PRKCH: variants seen among roughly 807,000 people sequenced by gnomAD.
PRKCH encodes protein kinase C eta type.
PRKCH carries 28 observed loss-of-function variants against 82.5 expected under a neutral mutation model. The ratio of observed to expected loss-of-function variants is 0.34; its 90% CI spans 0.25 to 0.47. The LOEUF is 0.47. Ranked by LOEUF, PRKCH falls within the 20% of genes least tolerant of loss-of-function variation. The pLI, the probability that PRKCH is intolerant of heterozygous loss-of-function variation, is 1.00. For missense variants in PRKCH, 705 were observed against 881.8 expected (o/e 0.80, Z 2.54); for synonymous variants, 322 against 327.4 (o/e 0.98, Z 0.18).
chr14:61,408,967 G>A (rs1056461403), intron 2 of PRKCH, among the ~76,000 whole-genome samples: 6 of 152,198 alleles, frequency 3.9e-5, no homozygotes, highest in South Asian at 2.1e-4. Context: ...GGAAGGTGTA[G>A]GAGGGATTCA....
intron 1 of PRKCH, among the ~76,000 whole-genome samples, chr14:61,328,077 C>T (rs1193172854): frequency 6.6e-6 from 1 of 151,168 alleles, no homozygotes; most frequent in African/African-American, 2.4e-5. Context: ...GGTGAAACCC[C>T]GTCTCTACTA....
chr14:61,235,532 A>G (rs773478186), intron 1 of PRKCH, among the ~76,000 whole-genome samples: 3 of 152,188 alleles, frequency 2.0e-5, no homozygotes, highest in Non-Finnish European at 4.4e-5. Context: ...AACCTGCCCA[A>G]TTAATAGTGA....
intron 1 of PRKCH, among the ~76,000 whole-genome samples, chr14:61,197,341 G>GT (rs1594847343): frequency 3.9e-5 from 6 of 152,302 alleles, no homozygotes; most frequent in Admixed American, 6.5e-5. Flanking sequence ...GAGAGTTGGG[G>GT]TTATGTTTTA....
At chr14:61,521,183 A>G (rs1195146649) in intron 10 of PRKCH, among the ~76,000 whole-genome samples, 4 of 152,222 alleles carry the variant, frequency 2.6e-5, no homozygotes, top group East Asian at 1.9e-4. Flanking sequence ...CATTTTCTCT[A>G]TACCTTTTTC....
At chr14:61,335,818 G>T (rs747764257) in intron 1 of PRKCH, among the ~76,000 whole-genome samples, 25 of 152,172 alleles carry the variant, frequency 1.6e-4, no homozygotes, top group Admixed American at 2.0e-4. Context: ...CATGAATTAG[G>T]ATGCAGAATC....
chr14:61,473,382 T>C (rs542804858), intron 9 of PRKCH, among the ~76,000 whole-genome samples: 6 of 152,312 alleles, frequency 3.9e-5, no homozygotes, highest in African/African-American at 1.2e-4. Context: ...AGGCTCTCTC[T>C]GGCTGCTATG....
chr14:61,494,323 A>G (rs762912700), intron 10 of PRKCH, among the ~76,000 whole-genome samples: 1 of 152,240 alleles, frequency 6.6e-6, no homozygotes. Flanking sequence ...AACAATTGGT[A>G]TGTTCATCAT....
intron 2 of PRKCH, among the ~76,000 whole-genome samples, chr14:61,395,295 C>CCCT (rs1555383089): frequency 6.8e-6 from 1 of 146,488 alleles, no homozygotes; most frequent in Non-Finnish European, 1.5e-5. Flanking sequence ...ATGGAGCCCC[C>CCCT]CCCCGCATTT....
chr14:61,393,197 GC>G (rs1478121982), intron 2 of PRKCH, among the ~76,000 whole-genome samples: 1 of 152,100 alleles, frequency 6.6e-6, no homozygotes, highest in Non-Finnish European at 1.5e-5. Flanking sequence ...CATAGTATGA[GC>G]CCTCCAACTC....
At chr14:61,516,678 T>C (rs547745026) in intron 10 of PRKCH, among the ~76,000 whole-genome samples, 2 of 152,258 alleles carry the variant, frequency 1.3e-5, no homozygotes, top group Admixed American at 6.5e-5. Context: ...GAAAATGTGA[T>C]GTCTTTTGCA....
intron 1 of PRKCH, among the ~76,000 whole-genome samples, chr14:61,192,389 T>G (rs1320853900): frequency 6.6e-6 from 1 of 152,258 alleles, no homozygotes; most frequent in East Asian, 1.9e-4. Context: ...GTGTTCATTC[T>G]GAAAAGTTAT....
In PRKCH at chr14:61,353,332, A is replaced by T. The variant is rs1170847853; in HGVS notation, c.363+30868A>T. The stretch of plus-strand genomic sequence containing the variant: ...TCAGAAAAAATGATTAAAGATACTT[A>T]TGAGATATAAAGATTTACATAAAGT... On this transcript the variant is annotated intron_variant, in intron 1 of 13. Coordinates refer to ENST00000332981, the MANE Select transcript of PRKCH (RefSeq NM_006255.5). Among the ~76,000 whole-genome samples, 5 of 152,262 alleles carry T rather than the reference A, an allele frequency of 3.3e-5. 1 individual carries two copies.
intron 1 of PRKCH, among the ~76,000 whole-genome samples, chr14:61,237,158 G>A (rs1377667475): frequency 6.6e-6 from 1 of 150,752 alleles, no homozygotes; most frequent in Non-Finnish European, 1.5e-5. Context: ...CAGAAGAATC[G>A]CTTGAACCCA....
chr14:61,347,493 G>A (rs1158071918), intron 1 of PRKCH, among the ~76,000 whole-genome samples: 1 of 152,164 alleles, frequency 6.6e-6, no homozygotes, highest in East Asian at 1.9e-4. Context: ...TAACTGTGGT[G>A]TTTCTGGGCC....
At chr14:61,261,380 T>C (rs537881461) in intron 1 of PRKCH, among the ~76,000 whole-genome samples, 87 of 152,316 alleles carry the variant, frequency 5.7e-4, no homozygotes, top group African/African-American at 1.9e-3. Flanking sequence ...CATTTCTCTT[T>C]ACAGCCAAAT....
chr14:61,449,357 C>T (rs1884379405), intron 5 of PRKCH, 105 bp downstream of exon 5: 3 of 952,598 alleles, frequency 3.1e-6, no homozygotes, highest in Middle Eastern at 2.1e-4. Flanking sequence ...TCTTTTCCTT[C>T]TCCCCGTCCC....
chr14:61,401,103 T>C (rs1881592597), intron 2 of PRKCH, among the ~76,000 whole-genome samples: 1 of 152,130 alleles, frequency 6.6e-6, no homozygotes, highest in Admixed American at 6.5e-5. Flanking sequence ...GAGTTCCTCC[T>C]CCTTAAACTG....
At chr14:61,514,831 C>T (rs890098522) in intron 10 of PRKCH, among the ~76,000 whole-genome samples, 6 of 152,308 alleles carry the variant, frequency 3.9e-5, no homozygotes, top group Middle Eastern at 3.4e-3. Flanking sequence ...AGAAATAAGT[C>T]ATATAACAGC....
chr14:61,304,271 T>A (rs991065649), intron 1 of PRKCH: 2 of 152,268 alleles, frequency 1.3e-5, no homozygotes, highest in Middle Eastern at 3.4e-3. Context: ...TACTTCTACA[T>A]GAATTGAGAG....
Sources: gnomAD v4.1 joint callset for allele counts (sites outside exome capture counted in the v4.1 genomes callset) on GRCh38, gnomAD v4.1.1 for gene constraint, MANE v1.5 for transcripts, NCBI Gene and HGNC (gene_info 2026-07-23, HGNC 2026-07-21) for gene names.